The following ZNF853 variants were observed in gnomAD, a reference collection of about 807,000 sequenced individuals.
The protein encoded by ZNF853 is zinc finger protein 853.
In ZNF853, 57 loss-of-function variants were observed where a neutral mutation model predicts 94.7. That is an observed-to-expected ratio of 0.60 (90% CI 0.49 to 0.75). The LOEUF (loss-of-function observed/expected upper bound fraction) is 0.75. ZNF853 is among the 30% of genes least tolerant of loss of function. ZNF853 has a pLI of 0.00. For synonymous variants in ZNF853, 448 were observed against 406.3 expected, an observed-to-expected ratio of 1.10 and a Z score of -1.23; for missense variants, 785 against 868.9, an observed-to-expected ratio of 0.90 and a Z score of 1.21.
At chr7:6,616,670 G>C in intron 1 of ZNF853, among the ~76,000 whole-genome samples, 1 of 151,920 alleles carries the variant, frequency 6.6e-6, no homozygotes. Context: ...GGGAGACGGA[G>C]GTTGCAGTGA....
At position 6,622,996 on chromosome 7, in the gene ZNF853, C is replaced by G; in HGVS notation, c.*25C>G. ...AGGGCCGTGATCGGGGCTGCCTGGC[C>G]GGGAGGGGACCCCCCACCCGCCTCC... On this transcript the variant is annotated 3_prime_UTR_variant, in exon 3 of 3. Coordinates refer to ENST00000457543, the MANE Select transcript of ZNF853 (RefSeq NM_017560.3). 4.0e-6 allele frequency: 5 copies of G among 1,242,200 alleles called. No individual in the cohort carries two copies. The highest frequency in any genetic ancestry group is 1.0e-6 in the Non-Finnish European group (1 of 994,350). The allele number at this position is 1,242,200 out of a possible 1,614,324, so 76.9% of individuals were successfully genotyped here. A position where few individuals can be genotyped will look rare whatever the true frequency, so the allele number is the denominator to read the frequency against.
rs1331699596 is a variant in ZNF853 at position 6,621,755 on chromosome 7, T to TGCA, written c.775_777dup (p.Gln259dup). On this transcript the variant is annotated inframe_insertion, in exon 3 of 3. Transcript: ENST00000457543. ...CAGGGACAGTTACAGCAGCAACTGT[T>TGCA]GCAGCAGCAGCAGGCACAGTTACAA... 2 of 1,550,074 alleles carry TGCA rather than the reference T, an allele frequency of 1.3e-6. No homozygotes were observed. Among genetic ancestry groups the TGCA allele is most frequent in the Admixed American group, 3.9e-5 (2 of 50,942 alleles).
chr7:6,616,321 C>A, intron 1 of ZNF853, 135 bp downstream of exon 1: 2 of 817,098 alleles, frequency 2.4e-6, no homozygotes, highest in East Asian at 3.1e-5. Context: ...CTCTCAGGAG[C>A]GCCTGGGCAC....
rs1410844600 is a variant in ZNF853 at position 6,622,594 on chromosome 7, C to T, written c.1603C>T (p.His535Tyr). 1 of 1,578,374 alleles carries T rather than the reference C, an allele frequency of 6.3e-7. No individual in the cohort carries two copies. The highest frequency in any genetic ancestry group is 1.4e-5 in the African/African-American group (1 of 73,818). ...GAATCTGGTGACGCACCAACGCATC[C>T]ACACGGGCGAGAAACCCTACGCCTG... ...HSNLVTHQRI[H>Y]TGEKPYACSY... Residue 535 changes from histidine (H) to tyrosine (Y), a missense_variant, in exon 3 of 3, where the codon CAC (histidine) becomes TAC (tyrosine). By Grantham distance (83) the His-to-Tyr change is moderately conservative. Transcript: ENST00000457543.
At chr7:6,617,698 C>G in intron 2 of ZNF853, 3 of 966,282 alleles carry the variant, frequency 3.1e-6, no homozygotes, top group Non-Finnish European at 3.7e-6. Context: ...CCCTCCTGCC[C>G]CAGATGTTGG....
intron 2 of ZNF853, among the ~76,000 whole-genome samples, chr7:6,620,916 C>T: frequency 1.3e-5 from 2 of 152,228 alleles, no homozygotes; most frequent in African/African-American, 4.8e-5. Flanking sequence ...GCCCGGCCAC[C>T]TGGGCACATT....
In ZNF853 at chr7:6,621,638, T is replaced by C; in HGVS notation, c.647T>C (p.Leu216Pro). The C allele has an allele frequency of 6.5e-7, 1 of 1,549,242 alleles. No individual in the cohort carries two copies. The highest frequency in any genetic ancestry group is 2.4e-5 in the East Asian group (1 of 40,868). ...CAGGAACAGTTACAGCAGCAGCAGC[T>C]GCTACAACAGCAGGAACAGTTACAG... Reference protein sequence around the residue: ...QQQEQLQQQQLLQQQEQLQQQ... With the variant: ...QQQEQLQQQQPLQQQEQLQQQ... The change falls in exon 3 of 3, where the codon CTG (leucine) becomes CCG (proline). Residue 216 changes from leucine to proline, a missense_variant. Coordinates refer to ENST00000457543, the MANE Select transcript of ZNF853 (RefSeq NM_017560.3).
rs1356139397 is a variant in ZNF853, at chr7:6,622,682, C to T, written c.1691C>T (p.Thr564Ile). 6.3e-7 allele frequency: 1 copy of T among 1,578,690 alleles called. No individual in the cohort carries two copies. Among genetic ancestry groups the T allele is most frequent in the East Asian group, 2.3e-5 (1 of 42,738 alleles). ...SALVQHQRTH[T>I]GERPYACGDC... ...CTCGTGCAGCACCAGCGCACGCACACCGGGGAGCGACCCTACGCCTGCGGG... is the reference window on the plus strand; with the variant it reads ...CTCGTGCAGCACCAGCGCACGCACATCGGGGAGCGACCCTACGCCTGCGGG... Residue 564 changes from threonine (T) to isoleucine (I), a missense_variant, in exon 3 of 3, where the codon ACC becomes ATC. Transcript: ENST00000457543.
Position 6,622,418 on chromosome 7 carries a change from G to T in ZNF853, c.1427G>T (p.Arg476Leu). 7.1e-7 allele frequency: 1 copy of T among 1,416,134 alleles called. No homozygotes were observed. Among genetic ancestry groups the T allele is most frequent in the South Asian group, 1.5e-5 (1 of 67,042 alleles). The allele number at this position is 1,416,134 out of a possible 1,614,324, so 87.7% of individuals were successfully genotyped here. A position where few individuals can be genotyped will look rare whatever the true frequency, so the allele number is the denominator to read the frequency against. ...SAALTPARQR[R>L]RRRARDRPTI... The stretch of plus-strand genomic sequence containing the variant: ...GCGTTGACCCCTGCACGGCAGCGGC[G>T]GCGGCGGCGCGCTCGGGACCGGCCG... The change falls in exon 3 of 3, where the codon CGG (arginine) becomes CTG (leucine). Residue 476 changes from arginine to leucine, a missense_variant. By Grantham distance (102) the Arg-to-Leu change is moderately radical. Coordinates refer to ENST00000457543, the MANE Select transcript of ZNF853 (RefSeq NM_017560.3).
chr7:6,622,157 C>A lies in ZNF853; in HGVS notation c.1166C>A (p.Thr389Asn). The part of the protein sequence containing the change: ...LEQQEVQLEL[T>N]PVELGAQQQE... ...CAGCAGGAGGTGCAGCTGGAGCTGA[C>A]CCCGGTGGAGCTAGGCGCCCAGCAG... The change falls in exon 3 of 3, where the codon ACC becomes AAC. Residue 389 changes from threonine to asparagine, a missense_variant. Thr to Asn is a moderately conservative substitution (Grantham distance 65). Coordinates refer to ENST00000457543, the MANE Select transcript of ZNF853 (RefSeq NM_017560.3). 1 of 1,542,776 alleles carries A rather than the reference C, an allele frequency of 6.5e-7. No homozygotes were observed. The highest frequency in any genetic ancestry group is 8.7e-7 in the Non-Finnish European group (1 of 1,146,458).
At chr7:6,616,657 C>A in intron 1 of ZNF853, among the ~76,000 whole-genome samples, 1 of 151,704 alleles carries the variant, frequency 6.6e-6, no homozygotes. Flanking sequence ...ATCGCTTGAA[C>A]TGGGGAGACG....
In ZNF853 at chr7:6,623,134, A is replaced by G. The variant is rs1331051577; in HGVS notation, c.*163A>G. 4 of 620,390 alleles carry G rather than the reference A, an allele frequency of 6.4e-6. No individual in the cohort carries two copies. Among genetic ancestry groups the G allele is most frequent in the Non-Finnish European group, 9.3e-6 (4 of 428,892 alleles). 38.4% of individuals were successfully genotyped at this position (620,390 alleles called of 1,614,324 possible). ...TCATCATCTTCCGGATTCCCTGAGA[A>G]AATACCAGGTTCACAGATTTCACCG... On this transcript the variant is annotated 3_prime_UTR_variant, in exon 3 of 3. Transcript: ENST00000457543.
Position 6,624,163 on chromosome 7 carries a change from G to C in ZNF853, c.*1192G>C, listed in dbSNP as rs1284074592. 6.6e-6 allele frequency: 1 copy of C among 152,204 alleles called. No individual in the cohort carries two copies. Among genetic ancestry groups the C allele is most frequent in the African/African-American group, 2.4e-5 (1 of 41,440 alleles). 9.4% of individuals were successfully genotyped at this position (152,204 alleles called of 1,614,324 possible). On this transcript the variant is annotated 3_prime_UTR_variant, in exon 3 of 3. Transcript: ENST00000457543. ...TCCTGCTTGACCTGACTCTTCACAT[G>C]TGGCTGCTTAATTCCTGCCCCTCTC...
At position 6,622,072 on chromosome 7, in the gene ZNF853, C is replaced by A; in HGVS notation, c.1081C>A (p.Leu361Met). ...GGAGCAGCGGCAGCTGCAGCTCAAA[C>A]TGCAGGAGGAGCTGCAGCAGCTGGA... Reference protein sequence around the residue: ...QQEQRQLQLKLQEELQQLEQQ... With the variant: ...QQEQRQLQLKMQEELQQLEQQ... The change falls in exon 3 of 3, where the codon CTG (leucine) becomes ATG (methionine). Residue 361 changes from leucine (L) to methionine (M), a missense_variant. By Grantham distance (15) the Leu-to-Met change is conservative (BLOSUM62 2). Coordinates refer to ENST00000457543, the MANE Select transcript of ZNF853 (RefSeq NM_017560.3). 1 of 1,547,388 alleles carries A rather than the reference C, an allele frequency of 6.5e-7. No individual in the cohort carries two copies. Among genetic ancestry groups the A allele is most frequent in the East Asian group, 2.4e-5 (1 of 40,912 alleles).
rs1782625636 is a variant in ZNF853, at chr7:6,622,025, A to G, written c.1034A>G (p.Gln345Arg). The G allele has an allele frequency of 6.5e-7, 1 of 1,549,170 alleles. No individual in the cohort carries two copies. Among genetic ancestry groups the G allele is most frequent in the Non-Finnish European group, 8.7e-7 (1 of 1,146,548 alleles). ...LEQQRQELER[Q>R]QELERQQEQR... ...CAGCAGCGGCAGGAGTTGGAGCGGC[A>G]GCAGGAGCTGGAACGGCAGCAGGAG... is the stretch of plus-strand genomic sequence containing the variant. Residue 345 changes from glutamine (Q) to arginine (R), a missense_variant, in exon 3 of 3, where the codon CAG becomes CGG. Transcript: ENST00000457543.
rs998616368 is a variant in ZNF853, at chr7:6,622,400, C to T, written c.1409C>T (p.Thr470Ile). Reference sequence around the variant, plus strand: ...GGCCCGGCAGGCAGCGCGGCGTTGACCCCTGCACGGCAGCGGCGGCGGCGG... The same window carrying T: ...GGCCCGGCAGGCAGCGCGGCGTTGATCCCTGCACGGCAGCGGCGGCGGCGG... ...IPGPAGSAAL[T>I]PARQRRRRRA... The change falls in exon 3 of 3, where the codon ACC becomes ATC. Residue 470 changes from threonine to isoleucine, a missense_variant. By Grantham distance (89) the Thr-to-Ile change is moderately conservative. Transcript: ENST00000457543. The T allele has an allele frequency of 2.7e-5, 38 of 1,405,146 alleles. No individual in the cohort carries two copies. In the African/African-American group the frequency reaches 5.1e-4, roughly 19 times the overall value. 87.0% of individuals were successfully genotyped at this position (1,405,146 alleles called of 1,614,324 possible). A position where few individuals can be genotyped will look rare whatever the true frequency, so the allele number is the denominator to read the frequency against.
chr7:6,617,445 C>G, intron 2 of ZNF853, 138 bp downstream of exon 2: 1 of 945,422 alleles, frequency 1.1e-6, no homozygotes, highest in Non-Finnish European at 1.4e-6. Flanking sequence ...GCAGCTCTCC[C>G]TTGAGATTTT....
Position 6,622,382 on chromosome 7 carries a change from C to A in ZNF853, c.1391C>A (p.Ala464Glu). Residue 464 changes from alanine (A) to glutamate (E), a missense_variant, in exon 3 of 3, where the codon GCA becomes GAA. Ala to Glu is a moderately radical substitution (Grantham distance 107). Coordinates refer to ENST00000457543, the MANE Select transcript of ZNF853 (RefSeq NM_017560.3). Reference protein sequence around the residue: ...APAVVAIPGPAGSAALTPARQ... With the variant: ...APAVVAIPGPEGSAALTPARQ... ...GCCGTGGTGGCCATCCCGGGCCCGG[C>A]AGGCAGCGCGGCGTTGACCCCTGCA... The A allele has an allele frequency of 7.2e-7, 1 of 1,395,704 alleles. No individual in the cohort carries two copies. Among genetic ancestry groups the A allele is most frequent in the Non-Finnish European group, 9.2e-7 (1 of 1,081,742 alleles). The allele number at this position is 1,395,704 out of a possible 1,614,324, so 86.5% of individuals were successfully genotyped here.
intron 2 of ZNF853, among the ~76,000 whole-genome samples, chr7:6,619,612 C>T: frequency 6.6e-6 from 1 of 151,932 alleles, no homozygotes; most frequent in African/African-American, 2.4e-5. Flanking sequence ...GGAAAAATGG[C>T]CAGAAAGCAA....
Sources: allele counts gnomAD v4.1 joint callset (sites outside exome capture counted in the v4.1 genomes callset), GRCh38; gene constraint gnomAD v4.1.1; transcripts MANE v1.5; gene names NCBI Gene and HGNC (gene_info 2026-07-23, HGNC 2026-07-21).